The following NAA11 variants were observed in gnomAD, a reference collection of about 807,000 sequenced individuals.
NAA11 encodes N-alpha-acetyltransferase 11, NatA catalytic subunit.
A neutral mutation model predicts 16.1 loss-of-function variants in NAA11; 15 were observed. The ratio of observed to expected loss-of-function variants is 0.93; its 90% confidence interval spans 0.62 to 1.44. NAA11 has a LOEUF of 1.44. Among genes scored for constraint, NAA11 ranks in the 40% most tolerant of loss-of-function variants. The pLI, the probability that NAA11 is intolerant of heterozygous loss-of-function variation, is 0.00. For missense variants in NAA11, 298 were observed against 291.3 expected, an observed-to-expected ratio of 1.02 and a Z score of -0.17; for synonymous variants, 122 against 112.4, an observed-to-expected ratio of 1.09 and a Z score of -0.54.
intron 2 of NAA11, among the ~76,000 whole-genome samples, chr4:79,279,822 T>A (rs192004494): frequency 2.8e-4 from 42 of 152,252 alleles, no homozygotes; most frequent in African/African-American, 1.0e-3. Context: ...CCAGGACTCA[T>A]AGATACTAAG....
intron 1 of NAA11, among the ~76,000 whole-genome samples, chr4:79,303,072 CCTTTTATATATATATATATATATA>C (rs1475008763): frequency 0.034 from 3,061 of 89,074 alleles, 76 homozygotes; most frequent in Admixed American, 0.045. Flanking sequence ...TCTCTTGAGG[CCTTTTATATATATATATATATATA>C]TATATATATA....
At chr4:79,187,258 C>T in the NAA11 span, among the ~76,000 whole-genome samples, 1 of 152,100 alleles carries the variant, frequency 6.6e-6, no homozygotes, top group East Asian at 1.9e-4. Context: ...TAACGAACAT[C>T]CCAATGAGGA....
intron 2 of NAA11, among the ~76,000 whole-genome samples, chr4:79,233,394 T>C (rs1243107138): frequency 6.6e-6 from 1 of 152,078 alleles, no homozygotes; most frequent in Non-Finnish European, 1.5e-5. Context: ...TGATTTTGTC[T>C]GTATAGCATT....
At chr4:79,291,085 G>A (rs1723070503) in intron 2 of NAA11, among the ~76,000 whole-genome samples, 1 of 152,090 alleles carries the variant, frequency 6.6e-6, no homozygotes, top group African/African-American at 2.4e-5. Flanking sequence ...AAATAAAATA[G>A]TACCATTTCT....
intron 2 of NAA11, among the ~76,000 whole-genome samples, chr4:79,239,103 C>T (rs1184257078): frequency 6.6e-6 from 1 of 152,182 alleles, no homozygotes; most frequent in Non-Finnish European, 1.5e-5. Flanking sequence ...GTGACAATGA[C>T]AGCTGGTAGG....
intron 1 of NAA11, chr4:79,307,266 A>T (rs1306675313): frequency 6.6e-6 from 1 of 152,246 alleles, no homozygotes; most frequent in Admixed American, 6.5e-5. Flanking sequence ...CTGTGCATCG[A>T]GGAAGACATC....
At chr4:79,292,111 A>C (rs1253528829) in intron 2 of NAA11, among the ~76,000 whole-genome samples, 1 of 152,188 alleles carries the variant, frequency 6.6e-6, no homozygotes, top group Non-Finnish European at 1.5e-5. Context: ...TAGACATCAG[A>C]AACAGTTGAT....
At chr4:79,316,252 C>T (rs914894265), downstream of NAA11, among the ~76,000 whole-genome samples, 23 of 152,054 alleles carry the variant, frequency 1.5e-4, no homozygotes, top group African/African-American at 5.1e-4. Context: ...AAGAGATAAA[C>T]ACATGGTTGA....
chr4:79,204,705 C>T, the NAA11 span, among the ~76,000 whole-genome samples: 1 of 151,694 alleles, frequency 6.6e-6, no homozygotes, highest in South Asian at 2.1e-4. Flanking sequence ...AATCCCTTAT[C>T]CTCCTCCCAC....
At chr4:79,183,469 A>G in the NAA11 span, among the ~76,000 whole-genome samples, 2 of 151,922 alleles carry the variant, frequency 1.3e-5, no homozygotes, top group African/African-American at 4.8e-5. Context: ...GTCCCATGAA[A>G]CACTAATGTC....
the NAA11 span, among the ~76,000 whole-genome samples, chr4:79,172,968 T>A: frequency 6.6e-6 from 1 of 152,166 alleles, no homozygotes; most frequent in African/African-American, 2.4e-5. Flanking sequence ...AACTGCTGTC[T>A]CCTGACTCCA....
downstream of NAA11, among the ~76,000 whole-genome samples, chr4:79,313,440 C>A (rs1723838221): frequency 6.6e-6 from 1 of 152,170 alleles, no homozygotes; most frequent in Admixed American, 6.5e-5. Flanking sequence ...TGAACCACCT[C>A]TTGTGAAAAT....
chr4:79,215,116 T>A, the NAA11 span, among the ~76,000 whole-genome samples: 8 of 152,234 alleles, frequency 5.3e-5, no homozygotes, highest in African/African-American at 1.7e-4. Flanking sequence ...AATTATTTTT[T>A]AAGTGATACT....
intron 2 of NAA11, among the ~76,000 whole-genome samples, chr4:79,277,153 C>G (rs565461380): frequency 1.6e-4 from 24 of 152,150 alleles, no homozygotes; most frequent in Non-Finnish European, 3.4e-4. Context: ...TCTGACTGCT[C>G]TATCCAATGA....
chr4:79,176,079 A>AT, the NAA11 span, among the ~76,000 whole-genome samples: 1 of 152,266 alleles, frequency 6.6e-6, no homozygotes, highest in Admixed American at 6.5e-5. Flanking sequence ...GTCCCTGTAA[A>AT]TTGATCTTGA....
At chr4:79,180,621 C>G in the NAA11 span, among the ~76,000 whole-genome samples, 1 of 152,190 alleles carries the variant, frequency 6.6e-6, no homozygotes, top group African/African-American at 2.4e-5. Flanking sequence ...AACACTTTTA[C>G]ACTGTTGGTG....
chr4:79,237,308 G>C (rs1721590811), intron 2 of NAA11, among the ~76,000 whole-genome samples: 1 of 152,140 alleles, frequency 6.6e-6, no homozygotes, highest in South Asian at 2.1e-4. Flanking sequence ...CATTCACACA[G>C]TGGTATGTAT....
At chr4:79,213,640 T>G in the NAA11 span, among the ~76,000 whole-genome samples, 7 of 152,150 alleles carry the variant, frequency 4.6e-5, no homozygotes, top group Admixed American at 3.9e-4. Flanking sequence ...ATAGTTTATA[T>G]GCCAGAATAT....
intron 2 of NAA11, among the ~76,000 whole-genome samples, chr4:79,247,784 C>T (rs1721875257): frequency 6.6e-6 from 1 of 152,126 alleles, no homozygotes; most frequent in Admixed American, 6.5e-5. Flanking sequence ...GTGAGTTAAG[C>T]AGGTGTGGAG....
Sources: allele counts gnomAD v4.1 joint callset (sites outside exome capture counted in the v4.1 genomes callset), GRCh38; gene constraint gnomAD v4.1.1; transcripts MANE v1.5; gene names NCBI Gene and HGNC (gene_info 2026-07-23, HGNC 2026-07-21).